ELAPOR2: variants seen among roughly 807,000 people sequenced by gnomAD.
ELAPOR2 encodes the protein endosome/lysosome-associated apoptosis and autophagy regulator family member 2.
ELAPOR2 carries 89 observed loss-of-function variants against 120.7 expected under a neutral mutation model. That is an observed-to-expected ratio of 0.74 (90% confidence interval 0.62 to 0.88). The LOEUF is 0.88. Among genes scored for constraint, ELAPOR2 ranks in the 40% least tolerant of loss-of-function variants. The probability of loss-of-function intolerance (pLI) is 0.00; values close to 1 mark genes in which losing one functional copy is unlikely to be tolerated. For synonymous variants in ELAPOR2, 444 were observed against 444.9 expected (o/e 1.00, Z 0.03); for missense variants, 1,134 against 1,251.6 (o/e 0.91, Z 1.42).
intron 1 of ELAPOR2, among the ~76,000 whole-genome samples, chr7:87,048,198 T>C (rs1450181595): frequency 6.6e-6 from 1 of 150,818 alleles, no homozygotes; most frequent in African/African-American, 2.4e-5. Flanking sequence ...GAGCCGAGAT[T>C]GCACCACTGC....
At chr7:86,946,447 T>C (rs1050358936) in intron 3 of ELAPOR2, among the ~76,000 whole-genome samples, 2 of 152,156 alleles carry the variant, frequency 1.3e-5, no homozygotes, top group Admixed American at 6.5e-5. Context: ...AGTGCAATGG[T>C]GCGATCTCAG....
At chr7:86,921,972 T>G (rs1789853073) in intron 10 of ELAPOR2, among the ~76,000 whole-genome samples, 1 of 152,068 alleles carries the variant, frequency 6.6e-6, no homozygotes, top group African/African-American at 2.4e-5. Flanking sequence ...AGAAGTGAAA[T>G]TTTAATATAT....
At chr7:86,906,189 T>G (rs1274512123) in intron 18 of ELAPOR2, among the ~76,000 whole-genome samples, 2 of 152,080 alleles carry the variant, frequency 1.3e-5, no homozygotes, top group South Asian at 4.1e-4. Context: ...CAGAACTGTA[T>G]GATGGCATAT....
chr7:87,042,807 T>C (rs1794826901), intron 1 of ELAPOR2, among the ~76,000 whole-genome samples: 1 of 152,024 alleles, frequency 6.6e-6, no homozygotes, highest in Non-Finnish European at 1.5e-5. Context: ...CTTCAAAAAA[T>C]TAATGAATCC....
intron 1 of ELAPOR2, among the ~76,000 whole-genome samples, chr7:87,008,699 A>T (rs1227180223): frequency 6.6e-6 from 1 of 152,158 alleles, no homozygotes; most frequent in Non-Finnish European, 1.5e-5. Flanking sequence ...CCAGCCTAGG[A>T]AATATGTACT....
chr7:86,907,646 C>A (rs1226396315), intron 18 of ELAPOR2, 24 bp downstream of exon 18: 1 of 1,429,138 alleles, frequency 7.0e-7, no homozygotes, highest in Non-Finnish European at 9.6e-7. Flanking sequence ...ATGGTAAACA[C>A]AAATCATATG....
chr7:86,901,954 G>A (rs895897091), intron 18 of ELAPOR2, among the ~76,000 whole-genome samples: 1 of 152,188 alleles, frequency 6.6e-6, no homozygotes, highest in Non-Finnish European at 1.5e-5. Flanking sequence ...AATTGTTTGT[G>A]AATGTGTCTT....
At chr7:86,898,487 T>C (rs773658987) in intron 18 of ELAPOR2, among the ~76,000 whole-genome samples, 2 of 148,158 alleles carry the variant, frequency 1.3e-5, no homozygotes, top group African/African-American at 2.5e-5. Context: ...TTTAAATGGC[T>C]GAATTGTATG....
At chr7:86,955,266 G>T (rs1453450376) in intron 2 of ELAPOR2, among the ~76,000 whole-genome samples, 1 of 152,114 alleles carries the variant, frequency 6.6e-6, no homozygotes, top group Non-Finnish European at 1.5e-5. Context: ...GAAAATAAAA[G>T]TATGATAGGG....
chr7:87,042,681 T>C (rs1794824170), intron 1 of ELAPOR2, among the ~76,000 whole-genome samples: 1 of 152,066 alleles, frequency 6.6e-6, no homozygotes, highest in South Asian at 2.1e-4. Context: ...ATTGGCACCC[T>C]AACATCACAA....
chr7:86,985,827 C>G (rs1792709593), intron 1 of ELAPOR2, among the ~76,000 whole-genome samples: 1 of 152,056 alleles, frequency 6.6e-6, no homozygotes, highest in African/African-American at 2.4e-5. Context: ...CTGCCCCCAC[C>G]CCACAACAGG....
intron 6 of ELAPOR2, among the ~76,000 whole-genome samples, chr7:86,939,183 A>T (rs1290419968): frequency 6.6e-6 from 1 of 152,124 alleles, no homozygotes; most frequent in Non-Finnish European, 1.5e-5. Context: ...TCATAGAGGT[A>T]TAATACTTGT....
chr7:86,932,178 A>C (rs1584365158), intron 8 of ELAPOR2, among the ~76,000 whole-genome samples: 2 of 151,952 alleles, frequency 1.3e-5, no homozygotes, highest in Admixed American at 6.6e-5. Flanking sequence ...GCTTGGGTGG[A>C]GATTACAGTG....
At chr7:86,927,076 AC>A (rs1265815500) in intron 8 of ELAPOR2, among the ~76,000 whole-genome samples, 160 bp from the exon 9 acceptor site, 1 of 151,990 alleles carries the variant, frequency 6.6e-6, no homozygotes, top group Non-Finnish European at 1.5e-5. Flanking sequence ...AAAAGAGAGA[AC>A]ATTGGTGGGG....
intron 1 of ELAPOR2, among the ~76,000 whole-genome samples, chr7:87,022,311 C>A (rs569779171): frequency 6.8e-6 from 1 of 146,518 alleles, no homozygotes; most frequent in Non-Finnish European, 1.5e-5. Flanking sequence ...GTCCCACCTA[C>A]GAGTGAGAAC....
At chr7:86,998,254 T>G (rs1183319508) in intron 1 of ELAPOR2, among the ~76,000 whole-genome samples, 3 of 152,314 alleles carry the variant, frequency 2.0e-5, no homozygotes, top group Non-Finnish European at 4.4e-5. Flanking sequence ...ATTTATCTTA[T>G]TATATTCTCA....
At chr7:86,947,697 T>C in intron 3 of ELAPOR2, 30 bp downstream of exon 3, 1 of 1,533,020 alleles carries the variant, frequency 6.5e-7, no homozygotes, top group Non-Finnish European at 8.8e-7. Context: ...AATATTCAGT[T>C]AAGAGCCAAA....
intron 4 of ELAPOR2, 126 bp downstream of exon 4, chr7:86,944,773 G>T (rs1038771259): frequency 1.6e-6 from 1 of 643,214 alleles, no homozygotes; most frequent in Non-Finnish European, 2.5e-6. Context: ...ACATCAAAAG[G>T]TTCAGTTAAC....
At chr7:87,015,147 T>C (rs1440258273) in intron 1 of ELAPOR2, among the ~76,000 whole-genome samples, 1 of 152,194 alleles carries the variant, frequency 6.6e-6, no homozygotes, top group Non-Finnish European at 1.5e-5. Context: ...TATTACAAAG[T>C]CTGTCTTTAA....
Sources: allele counts gnomAD v4.1 joint callset (sites outside exome capture counted in the v4.1 genomes callset), GRCh38; gene constraint gnomAD v4.1.1; transcripts MANE v1.5; gene names NCBI Gene and HGNC (gene_info 2026-07-23, HGNC 2026-07-21).